ADH1A: variants seen among roughly 807,000 people sequenced by gnomAD.
ADH1A encodes the protein alcohol dehydrogenase 1A.
A neutral mutation model predicts 35.2 loss-of-function variants in ADH1A; 29 were observed. That is an observed-to-expected ratio of 0.82 (90% CI 0.61 to 1.12). ADH1A has a LOEUF of 1.12. ADH1A is among the 50% of genes most tolerant of loss of function. The pLI is 0.00. For synonymous variants in ADH1A, 147 were observed against 164.8 expected (o/e 0.89, Z 0.83); for missense variants, 469 against 464.7 (o/e 1.01, Z -0.09).
intron 5 of ADH1A, 126 bp from the exon 6 acceptor site, chr4:99,282,732 G>GCTTTATTTTT: frequency 7.0e-7 from 1 of 1,434,730 alleles, no homozygotes; most frequent in Non-Finnish European, 9.3e-7. Context: ...GGCTTCAGTT[G>GCTTTATTTTT]CTTTATTTTT....
chr4:99,288,045 A>G (rs1188891408), intron 1 of ADH1A, among the ~76,000 whole-genome samples: 1 of 152,214 alleles, frequency 6.6e-6, no homozygotes, highest in Non-Finnish European at 1.5e-5. Context: ...TTTTGCTGAC[A>G]GAGTCAGTGT....
At chr4:99,276,745 G>T in intron 8 of ADH1A, 97 bp from the exon 9 acceptor site, 1 of 1,179,678 alleles carries the variant, frequency 8.5e-7, no homozygotes, top group Non-Finnish European at 1.3e-6. Flanking sequence ...AAATCTGTCT[G>T]TTCTCAGCCA....
rs1733270158 is a variant in ADH1A at position 99,290,789 on chromosome 4, T to G, written c.18+108A>C. 4.3e-6 allele frequency: 5 copies of G among 1,169,984 alleles called. No individual in the cohort carries two copies. In the South Asian group the frequency reaches 6.3e-5, roughly 15 times the overall value. 72.5% of individuals were successfully genotyped at this position (1,169,984 alleles called of 1,614,324 possible). ...ATATTGCATATCATATTTCAGTGTA[T>G]CATTTCTAATTTAGATATGAATTTT... On this transcript the variant is annotated intron_variant, in intron 1 of 8. Coordinates refer to ENST00000209668, the MANE Select transcript of ADH1A (RefSeq NM_000667.4).
At chr4:99,280,444 G>T (rs1406634795) in intron 6 of ADH1A, among the ~76,000 whole-genome samples, 165 bp from the exon 7 acceptor site, 1 of 151,572 alleles carries the variant, frequency 6.6e-6, no homozygotes, top group Non-Finnish European at 1.5e-5. Context: ...TAGTGCTGTG[G>T]ATTTAGGAAA....
intron 2 of ADH1A, 102 bp from the exon 3 acceptor site, chr4:99,287,090 T>TATTAGCAAAACCC: frequency 7.0e-7 from 1 of 1,434,374 alleles, no homozygotes; most frequent in Non-Finnish European, 9.5e-7. Context: ...TTTCAAGGGT[T>TATTAGCAAAACCC]TTGCTAATAA....
intron 3 of ADH1A, 166 bp downstream of exon 3, chr4:99,286,684 A>G: frequency 1.7e-6 from 2 of 1,183,512 alleles, no homozygotes; most frequent in Non-Finnish European, 1.2e-6. Flanking sequence ...AAAGACATAC[A>G]TGCTTGAGTC....
At chr4:99,278,174 G>C (rs1206205699) in intron 8 of ADH1A, among the ~76,000 whole-genome samples, 1 of 151,846 alleles carries the variant, frequency 6.6e-6, no homozygotes, top group Non-Finnish European at 1.5e-5. Context: ...ACTATCTTCT[G>C]GTTTTGTTCA....
At chr4:99,290,873 A>G in intron 1 of ADH1A, 24 bp downstream of exon 1, 1 of 1,607,292 alleles carries the variant, frequency 6.2e-7, no homozygotes, top group Non-Finnish European at 8.5e-7. Flanking sequence ...ATATAGTTCC[A>G]ACAGTAATAT....
At chr4:99,282,845 C>T (rs756094839) in intron 5 of ADH1A, among the ~76,000 whole-genome samples, 1 of 152,168 alleles carries the variant, frequency 6.6e-6, no homozygotes, top group Non-Finnish European at 1.5e-5. Context: ...ACAGCCCATG[C>T]CAATTAAATG....
At position 99,288,286 on chromosome 4, in the gene ADH1A, A is replaced by C. The variant is rs867309650; in HGVS notation, c.19-621T>G. On this transcript the variant is annotated intron_variant, in intron 1 of 8. Coordinates refer to ENST00000209668, the MANE Select transcript of ADH1A (RefSeq NM_000667.4). ...GTACTGTTATCTGATCTATGTGTAG[A>C]GACTCCTTCCAGCTTTGATTTGAGC... Among the ~76,000 whole-genome samples, 91 of 152,236 alleles carry C rather than the reference A, an allele frequency of 6.0e-4. No homozygotes were observed. The Middle Eastern group carries it at 0.014, about 23-fold the overall frequency.
At position 99,282,506 on chromosome 4, in the gene ADH1A, A is replaced by G. The variant is rs1560517699; in HGVS notation, c.668T>C (p.Val223Ala). 24 of 1,614,168 alleles carry G rather than the reference A, an allele frequency of 1.5e-5. No individual in the cohort carries two copies. The highest frequency in any genetic ancestry group is 1.9e-5 in the Non-Finnish European group (23 of 1,180,038). Residue 223 changes from valine to alanine, a missense_variant, in exon 6 of 9, where the codon GTG becomes GCG. Physicochemically the swap from Val to Ala is moderately conservative, Grantham distance 64. Coordinates refer to ENST00000209668, the MANE Select transcript of ADH1A (RefSeq NM_000667.4). ...TGCAAATTTGTCCTTGTTGATGTCC[A>G]CCGCAATGATTCTGGCTGCCCCAGC... ...KAAGAARIIA[V>A]DINKDKFAKA...
chr4:99,280,712 A>G (rs28364327), intron 6 of ADH1A, among the ~76,000 whole-genome samples: 49 of 152,166 alleles, frequency 3.2e-4, no homozygotes, highest in Admixed American at 2.4e-3. Flanking sequence ...AACAAGATAA[A>G]TGATTATATC....
At position 99,290,929 on chromosome 4, in the gene ADH1A, C is replaced by T. The variant is rs1733273890; in HGVS notation, c.-15G>A. The stretch of plus-strand genomic sequence containing the variant: ...GCTGTGCTCATGTTGATTCTGTCTT[C>T]TCTGCAGACCAGGAGACTGGTGAGT... On this transcript the variant is annotated 5_prime_UTR_variant, in exon 1 of 9. Coordinates refer to ENST00000209668, the MANE Select transcript of ADH1A (RefSeq NM_000667.4). 4 of 1,613,884 alleles carry T rather than the reference C, an allele frequency of 2.5e-6. No individual in the cohort carries two copies. Among genetic ancestry groups the T allele is most frequent in the Admixed American group, 3.3e-5 (2 of 60,018 alleles).
chr4:99,287,192 T>G (rs1037783653), intron 2 of ADH1A, among the ~76,000 whole-genome samples: 2 of 152,174 alleles, frequency 1.3e-5, no homozygotes, highest in African/African-American at 2.4e-5. Flanking sequence ...AAGTAAACAG[T>G]TTAGAATAAT....
intron 1 of ADH1A, among the ~76,000 whole-genome samples, chr4:99,288,447 A>G (rs1313195039): frequency 6.6e-6 from 1 of 152,150 alleles, no homozygotes. Flanking sequence ...AGCAGATCTT[A>G]TCCATAGATG....
At chr4:99,279,141 A>G (rs1732934840) in intron 8 of ADH1A, among the ~76,000 whole-genome samples, 1 of 151,772 alleles carries the variant, frequency 6.6e-6, no homozygotes, top group South Asian at 2.1e-4. Context: ...TTTTTTGGCA[A>G]AGGTGATTGT....
chr4:99,284,238 A>G lies in ADH1A; in HGVS notation c.567+161T>C, dbSNP rs1286537862. ...CTTTTTAATCTGATAAACAGGTGAAACTTCTAGCATGTGCTCTCAATTCTT... is the reference window on the plus strand; with the variant it reads ...CTTTTTAATCTGATAAACAGGTGAAGCTTCTAGCATGTGCTCTCAATTCTT... On this transcript the variant is annotated intron_variant, in intron 5 of 8. Coordinates refer to ENST00000209668, the MANE Select transcript of ADH1A (RefSeq NM_000667.4). Among the ~76,000 whole-genome samples the G allele has an allele frequency of 2.6e-5, 4 of 152,202 alleles. No individual in the cohort carries two copies. The East Asian group carries it at 7.7e-4, about 29-fold the overall frequency.
intron 6 of ADH1A, chr4:99,282,145 G>A (rs567436090): frequency 3.1e-6 from 3 of 964,580 alleles, no homozygotes; most frequent in Non-Finnish European, 4.6e-6. Flanking sequence ...GAGGAAATAT[G>A]ACTTGAGACA....
chr4:99,283,146 A>G (rs1733048179), intron 5 of ADH1A, among the ~76,000 whole-genome samples: 1 of 152,222 alleles, frequency 6.6e-6, no homozygotes, highest in Non-Finnish European at 1.5e-5. Context: ...AGTCATGACC[A>G]GTATATCCCT....
Sources: allele counts gnomAD v4.1 joint callset (sites outside exome capture counted in the v4.1 genomes callset), GRCh38; gene constraint gnomAD v4.1.1; transcripts MANE v1.5; gene names NCBI Gene and HGNC (gene_info 2026-07-23, HGNC 2026-07-21).